Variants in FHIT observed in about 807,000 individuals in gnomAD.
FHIT encodes the protein bis(5'-adenosyl)-triphosphatase.
Under a neutral mutation model 17.9 loss-of-function variants are expected in FHIT, and 19 were observed. The observed-to-expected ratio is 1.06, with a 90% CI of 0.74 to 1.56. The LOEUF is 1.56. Ranked by LOEUF, FHIT falls within the 40% of genes most tolerant of loss-of-function variation. The pLI is 0.00. For synonymous variants in FHIT, 81 were observed against 69.7 expected (o/e 1.16, Z -0.81); for missense variants, 248 against 189.2 (o/e 1.31, Z -1.82).
chr3:60,135,904 C>T (rs1347791569), intron 5 of FHIT, among the ~76,000 whole-genome samples: 2 of 152,110 alleles, frequency 1.3e-5, no homozygotes, highest in Non-Finnish European at 2.9e-5. Flanking sequence ...CTAAATCCAC[C>T]TAAACTGTCC....
intron 5 of FHIT, among the ~76,000 whole-genome samples, chr3:60,102,216 CT>C (rs551082182): frequency 5.3e-5 from 8 of 152,310 alleles, no homozygotes; most frequent in Non-Finnish European, 1.0e-4. Flanking sequence ...CTAACAACAT[CT>C]CAATCACTAC....
chr3:60,407,849 CAT>C lies in FHIT; in HGVS notation c.103+129009_103+129010del, dbSNP rs376518098. Reference sequence around the variant, plus strand: ...ACATATTTATGTGTAAATAAACACACATAAATTTTTCAAATAGGAGCCCCTAC... The same window carrying C: ...ACATATTTATGTGTAAATAAACACACAAATTTTTCAAATAGGAGCCCCTAC... On this transcript the variant is annotated intron_variant, in intron 5 of 9. Transcript: ENST00000492590. Among the ~76,000 whole-genome samples, 31 of 152,246 alleles carry C rather than the reference CAT, an allele frequency of 2.0e-4. No homozygotes were observed. The East Asian group carries it at 4.6e-3, about 23-fold the overall frequency.
At chr3:60,328,922 G>C (rs980997215) in intron 5 of FHIT, among the ~76,000 whole-genome samples, 8 of 152,106 alleles carry the variant, frequency 5.3e-5, no homozygotes, top group Non-Finnish European at 7.4e-5. Flanking sequence ...CACACTGATG[G>C]ATAACCATAG....
intron 5 of FHIT, among the ~76,000 whole-genome samples, chr3:60,387,142 C>G (rs1014092182): frequency 6.6e-6 from 1 of 151,718 alleles, no homozygotes; most frequent in African/African-American, 2.4e-5. Flanking sequence ...TGCCTGCCAC[C>G]ACACCTAGCT....
At chr3:61,228,098 T>C (rs1330014563) in intron 1 of FHIT, among the ~76,000 whole-genome samples, 1 of 151,860 alleles carries the variant, frequency 6.6e-6, no homozygotes, top group Non-Finnish European at 1.5e-5. Flanking sequence ...GGGTGAAAGG[T>C]GGCAGAATAT....
intron 5 of FHIT, among the ~76,000 whole-genome samples, chr3:60,458,766 T>C (rs934014332): frequency 6.6e-6 from 1 of 152,052 alleles, no homozygotes; most frequent in Non-Finnish European, 1.5e-5. Flanking sequence ...ATGGGGGCTA[T>C]GTGCATTCTA....
intron 4 of FHIT, among the ~76,000 whole-genome samples, chr3:60,797,470 T>TAGTAGTAGC (rs1476266820): frequency 5.4e-5 from 7 of 129,068 alleles, no homozygotes; most frequent in African/African-American, 1.9e-4. Context: ...GTAGTAGTAG[T>TAGTAGTAGC]AGTAGTAGTA....
intron 5 of FHIT, among the ~76,000 whole-genome samples, chr3:60,186,127 C>G (rs754340772): frequency 5.9e-5 from 9 of 152,024 alleles, no homozygotes; most frequent in Non-Finnish European, 1.0e-4. Context: ...TTTTGCATAG[C>G]TTAAGTTTTC....
chr3:60,102,355 G>A (rs959405779), intron 5 of FHIT, among the ~76,000 whole-genome samples: 8 of 152,184 alleles, frequency 5.3e-5, no homozygotes, highest in South Asian at 2.1e-4. Context: ...GAGGGTGTGT[G>A]AAAGGAACAA....
intron 8 of FHIT, among the ~76,000 whole-genome samples, chr3:59,792,657 G>A (rs146605939): frequency 6.6e-6 from 1 of 152,160 alleles, no homozygotes; most frequent in Non-Finnish European, 1.5e-5. Context: ...CAAGAATCTA[G>A]TACATAGTAA....
intron 7 of FHIT, among the ~76,000 whole-genome samples, chr3:59,935,655 G>A (rs763778500): frequency 4.6e-5 from 7 of 151,768 alleles, no homozygotes; most frequent in East Asian, 1.9e-4. Context: ...GGGTGGGGTG[G>A]ATGGGTGATG....
At chr3:60,607,639 T>A (rs530582233) in intron 4 of FHIT, among the ~76,000 whole-genome samples, 3 of 152,024 alleles carry the variant, frequency 2.0e-5, no homozygotes, top group Admixed American at 2.0e-4. Context: ...AGATGTGTCT[T>A]CAACATTTGC....
At chr3:59,910,206 A>G (rs1275510130) in intron 8 of FHIT, among the ~76,000 whole-genome samples, 1 of 152,200 alleles carries the variant, frequency 6.6e-6, no homozygotes. Flanking sequence ...TTCATTCTGG[A>G]AAGATGGGAC....
At chr3:60,143,082 G>C (rs998726771) in intron 5 of FHIT, among the ~76,000 whole-genome samples, 2 of 152,142 alleles carry the variant, frequency 1.3e-5, no homozygotes, top group East Asian at 3.9e-4. Flanking sequence ...ATATTCGTGA[G>C]ATTAAAATAT....
At chr3:60,694,188 C>T (rs148508792) in intron 4 of FHIT, among the ~76,000 whole-genome samples, 1 of 151,988 alleles carries the variant, frequency 6.6e-6, no homozygotes, top group Non-Finnish European at 1.5e-5. Context: ...AGATGCTGAC[C>T]TTTACTGTTT....
chr3:60,418,744 G>T (rs1401842170), intron 5 of FHIT, among the ~76,000 whole-genome samples: 2 of 150,208 alleles, frequency 1.3e-5, no homozygotes, highest in Admixed American at 6.6e-5. Context: ...GGGGAACAAA[G>T]TGAGACTGTC....
intron 4 of FHIT, among the ~76,000 whole-genome samples, chr3:60,628,291 T>G (rs2039347382): frequency 6.6e-6 from 1 of 152,224 alleles, no homozygotes; most frequent in Non-Finnish European, 1.5e-5. Context: ...TTCACCTTAT[T>G]GTAGCTAGAG....
At chr3:60,864,135 C>T (rs1016991319) in intron 3 of FHIT, among the ~76,000 whole-genome samples, 6 of 151,898 alleles carry the variant, frequency 4.0e-5, no homozygotes, top group Non-Finnish European at 8.8e-5. Flanking sequence ...GACTTAATCA[C>T]GAGAACAGCA....
chr3:59,909,125 C>A (rs1206512904), intron 8 of FHIT, among the ~76,000 whole-genome samples: 1 of 151,556 alleles, frequency 6.6e-6, no homozygotes, highest in Non-Finnish European at 1.5e-5. Flanking sequence ...ACTCCACCTG[C>A]CGTGTTCAAA....
Sources: gnomAD v4.1 joint callset for allele counts (sites outside exome capture counted in the v4.1 genomes callset) on GRCh38, gnomAD v4.1.1 for gene constraint, MANE v1.5 for transcripts, NCBI Gene and HGNC (gene_info 2026-07-23, HGNC 2026-07-21) for gene names.